Variants in MKLN1 observed in about 807,000 individuals in gnomAD.
MKLN1 encodes the protein muskelin.
A neutral mutation model predicts 99.0 loss-of-function variants in MKLN1; 18 were observed. The ratio of observed to expected loss-of-function variants is 0.18; its 90% CI spans 0.13 to 0.27. The LOEUF is 0.27. MKLN1 is among the 10% of genes least tolerant of loss of function. The probability of loss-of-function intolerance (pLI) is 1.00; values close to 1 mark genes in which losing one functional copy is unlikely to be tolerated. For synonymous variants in MKLN1, 288 were observed against 293.2 expected (o/e 0.98, Z 0.18); for missense variants, 621 against 875.9 (o/e 0.71, Z 3.67).
intron 2 of MKLN1, among the ~76,000 whole-genome samples, chr7:131,386,830 G>C (rs1446758258): frequency 6.6e-6 from 1 of 152,068 alleles, no homozygotes; most frequent in Non-Finnish European, 1.5e-5. Flanking sequence ...ATCTTTTATT[G>C]AATACTGTTC....
chr7:131,364,936 C>T (rs543678142), intron 1 of MKLN1, among the ~76,000 whole-genome samples: 5 of 151,978 alleles, frequency 3.3e-5, no homozygotes, highest in South Asian at 2.1e-4. Context: ...TGTGTCTTTA[C>T]GGTACTTTAC....
chr7:131,455,817 A>C (rs1411122769), intron 12 of MKLN1, among the ~76,000 whole-genome samples: 1 of 152,178 alleles, frequency 6.6e-6, no homozygotes, highest in Non-Finnish European at 1.5e-5. Context: ...AGGCCGAGGC[A>C]GGCGAATCAC....
At chr7:131,169,577 T>C (rs190170722) in intron 2 of MKLN1, among the ~76,000 whole-genome samples, 118 of 152,334 alleles carry the variant, frequency 7.7e-4, no homozygotes, top group African/African-American at 2.8e-3. Context: ...TTTGAGACAA[T>C]AGAAAATTTT....
intron 10 of MKLN1, among the ~76,000 whole-genome samples, chr7:131,439,137 C>G (rs1386000153): frequency 6.6e-6 from 1 of 152,162 alleles, no homozygotes; most frequent in Non-Finnish European, 1.5e-5. Context: ...TGCTGACACC[C>G]TCAATGTTCT....
intron 3 of MKLN1, among the ~76,000 whole-genome samples, chr7:131,227,536 T>TCTTTCTTTCTTTCTTTCTTTCTTC (rs1797174829): frequency 6.7e-6 from 1 of 148,886 alleles, no homozygotes. Context: ...TTTCTTTCTT[T>TCTTTCTTTCTTTCTTTCTTTCTTC]CTCTCTTTCT....
At chr7:131,120,923 A>C (rs892738133) in intron 1 of MKLN1, among the ~76,000 whole-genome samples, 1 of 152,232 alleles carries the variant, frequency 6.6e-6, no homozygotes, top group African/African-American at 2.4e-5. Context: ...TCTTTATAGC[A>C]ATACCCCAAT....
chr7:131,186,796 C>T (rs946129404), intron 2 of MKLN1, among the ~76,000 whole-genome samples: 1 of 152,130 alleles, frequency 6.6e-6, no homozygotes, highest in Non-Finnish European at 1.5e-5. Flanking sequence ...TAAGCATTAG[C>T]TATCTTAATT....
rs76537796 is a variant in MKLN1 at position 131,128,877 on chromosome 7, C to T, written c.-418-13943C>T. Among the ~76,000 whole-genome samples, 159 of 146,536 alleles carry T rather than the reference C, an allele frequency of 1.1e-3. 2 individuals carry two copies. The East Asian group carries it at 0.023, about 21-fold the overall frequency. On this transcript the variant is annotated intron_variant, in intron 1 of 7. Transcript: ENST00000416992. Reference sequence around the variant, plus strand: ...AGCCTCCGGAGTAGCTAGGACCACACGTGTGTGCCACCTCACCTATTTTTT... The same window carrying T: ...AGCCTCCGGAGTAGCTAGGACCACATGTGTGTGCCACCTCACCTATTTTTT...
chr7:131,471,893 TCAGCAC>T (rs1465501972), intron 16 of MKLN1: 1 of 152,204 alleles, frequency 6.6e-6, no homozygotes, highest in Admixed American at 6.5e-5. Flanking sequence ...CTGCATGTCT[TCAGCAC>T]CATAACAAAG....
At chr7:131,158,455 A>C (rs1370850041) in intron 2 of MKLN1, among the ~76,000 whole-genome samples, 2 of 152,006 alleles carry the variant, frequency 1.3e-5, no homozygotes, top group South Asian at 4.2e-4. Context: ...CAAACAAACA[A>C]ACTTCTTATT....
chr7:131,230,251 G>C lies in MKLN1; in HGVS notation c.-179+27277G>C, dbSNP rs551268696. 3.9e-5 allele frequency among the ~76,000 whole-genome samples: 6 copies of C among 152,254 alleles called. No homozygotes were observed. The South Asian group carries it at 1.2e-3, about 32-fold the overall frequency. ...GGTCAGTTGTGCCCAAATCCAAAAG[G>C]GAGGAGGTATAAGGAGGTGTGTCCC... On this transcript the variant is annotated intron_variant, in intron 3 of 7. Coordinates refer to the MKLN1 transcript ENST00000416992.
rs977565163 is a variant in MKLN1 at position 131,386,994 on chromosome 7, A to G, written c.169-126A>G. ...TGTACTATTCTATAGCTTTAAAAAA[A>G]TCTGCTAGTACAGGATGGACAAGGA... is the stretch of plus-strand genomic sequence containing the variant. On this transcript the variant is annotated intron_variant, in intron 2 of 17. Transcript: ENST00000352689. 1.9e-5 allele frequency: 15 copies of G among 804,224 alleles called. No individual in the cohort carries two copies. In the African/African-American group the frequency reaches 2.5e-4, roughly 13 times the overall value. The allele number at this position is 804,224 out of a possible 1,614,324, so 49.8% of individuals were successfully genotyped here. A position where few individuals can be genotyped will look rare whatever the true frequency, so the allele number is the denominator to read the frequency against.
At chr7:131,309,486 C>T (rs201472550) in intron 3 of MKLN1, among the ~76,000 whole-genome samples, 13 of 152,012 alleles carry the variant, frequency 8.6e-5, no homozygotes, top group South Asian at 4.2e-4. Flanking sequence ...CTGCAACCTC[C>T]GCCTCCTGGG....
chr7:131,318,669 GT>G (rs1298095510), intron 3 of MKLN1, among the ~76,000 whole-genome samples: 2 of 152,124 alleles, frequency 1.3e-5, no homozygotes, highest in African/African-American at 4.8e-5. Context: ...TCCAGAGGTA[GT>G]TTTTTTAAAA....
At position 131,136,238 on chromosome 7, in the gene MKLN1, C is replaced by T. The variant is rs567125231; in HGVS notation, c.-418-6582C>T. 2.0e-5 allele frequency among the ~76,000 whole-genome samples: 3 copies of T among 152,310 alleles called. No homozygotes were observed. The East Asian group carries it at 5.8e-4, about 29-fold the overall frequency. ...AGAATAAGCCTTTCAGGCTGACTTC[C>T]GCCCTTTTTGGGGAGTGAGCAGCAC... On this transcript the variant is annotated intron_variant, in intron 1 of 7. Transcript: ENST00000416992.
At chr7:131,241,036 T>A (rs924548095) in intron 3 of MKLN1, among the ~76,000 whole-genome samples, 1 of 152,168 alleles carries the variant, frequency 6.6e-6, no homozygotes, top group Non-Finnish European at 1.5e-5. Context: ...TTATTCATAA[T>A]AGATCCTTTC....
intron 2 of MKLN1, among the ~76,000 whole-genome samples, chr7:131,193,431 TC>T: frequency 6.6e-6 from 1 of 152,256 alleles, no homozygotes; most frequent in African/African-American, 2.4e-5. Context: ...AGTGGTGCGA[TC>T]TCAGCTCACT....
At position 131,491,436 on chromosome 7, in the gene MKLN1, T is replaced by G. The variant is rs1425407860; in HGVS notation, c.*3708T>G. 6.6e-6 allele frequency: 1 copy of G among 152,192 alleles called. No individual in the cohort carries two copies. Among genetic ancestry groups the G allele is most frequent in the Non-Finnish European group, 1.5e-5 (1 of 68,028 alleles). The allele number at this position is 152,192 out of a possible 1,614,324, so 9.4% of individuals were successfully genotyped here. A position where few individuals can be genotyped will look rare whatever the true frequency, so the allele number is the denominator to read the frequency against. Reference sequence around the variant, plus strand: ...TGATAGTACTTACAGATTAGGTCTTTGGATGCTTTAACACAAAAGATTTTT... The same window carrying G: ...TGATAGTACTTACAGATTAGGTCTTGGGATGCTTTAACACAAAAGATTTTT... On this transcript the variant is annotated 3_prime_UTR_variant, in exon 18 of 18. Coordinates refer to ENST00000352689, the MANE Select transcript of MKLN1 (RefSeq NM_013255.5).
At chr7:131,276,587 C>T (rs929620948) in intron 3 of MKLN1, among the ~76,000 whole-genome samples, 3 of 152,126 alleles carry the variant, frequency 2.0e-5, no homozygotes, top group Non-Finnish European at 2.9e-5. Context: ...TCCCTCTTCA[C>T]GACAACCAGT....
Sources: allele counts gnomAD v4.1 joint callset (sites outside exome capture counted in the v4.1 genomes callset), GRCh38; gene constraint gnomAD v4.1.1; transcripts MANE v1.5; gene names NCBI Gene and HGNC (gene_info 2026-07-23, HGNC 2026-07-21).